Variants in LIPH observed in about 807,000 individuals in gnomAD.
The protein encoded by LIPH is lipase H.
A neutral mutation model predicts 47.6 loss-of-function variants in LIPH; 32 were observed. The observed-to-expected ratio is 0.67, with a 90% CI of 0.51 to 0.90. The LOEUF is 0.90. LIPH is among the 40% of genes least tolerant of loss of function. LIPH has a pLI of 0.00. For missense variants in LIPH, 497 were observed against 541.4 expected (o/e 0.92, Z 0.81); for synonymous variants, 190 against 195.6 (o/e 0.97, Z 0.24).
At chr3:185,522,015 A>G (rs1349951430) in intron 5 of LIPH, among the ~76,000 whole-genome samples, 1 of 152,176 alleles carries the variant, frequency 6.6e-6, no homozygotes, top group Non-Finnish European at 1.5e-5. Flanking sequence ...ATAACTGCTG[A>G]AATAGAACCA....
intron 1 of LIPH, among the ~76,000 whole-genome samples, chr3:185,549,388 C>G (rs1369818607): frequency 2.6e-5 from 4 of 152,194 alleles, no homozygotes; most frequent in Non-Finnish European, 5.9e-5. Context: ...TGAGTCACCA[C>G]ACAGGCACAG....
At chr3:185,511,838 T>TTC in intron 8 of LIPH, 141 bp from the exon 9 acceptor site, 5 of 655,612 alleles carry the variant, frequency 7.6e-6, no homozygotes, top group Non-Finnish European at 5.4e-6. Flanking sequence ...TTTTTTTTTT[T>TTC]CTGAGACAGG....
At chr3:185,529,554 A>G (rs1720244890) in intron 3 of LIPH, among the ~76,000 whole-genome samples, 1 of 150,964 alleles carries the variant, frequency 6.6e-6, no homozygotes, top group South Asian at 2.1e-4. Flanking sequence ...CCGGGATTAC[A>G]GGTGTGAGCC....
intron 3 of LIPH, among the ~76,000 whole-genome samples, chr3:185,529,092 G>A (rs552095814): frequency 5.8e-5 from 8 of 137,138 alleles, no homozygotes; most frequent in African/African-American, 2.1e-4. Flanking sequence ...CAGGAGAATT[G>A]TTTGAACTGG....
chr3:185,516,587 C>T (rs757633385), intron 7 of LIPH, among the ~76,000 whole-genome samples: 4 of 152,172 alleles, frequency 2.6e-5, no homozygotes, highest in Non-Finnish European at 5.9e-5. Flanking sequence ...ATCTGGAATA[C>T]TCAACCTCTC....
In LIPH at chr3:185,511,562, A is replaced by G. The variant is rs975801253; in HGVS notation, c.1230T>C (p.Ile410=). ...SLIGPRYKLR[I]LRMKLRSLAH... is the part of the protein sequence containing the mutation. ...CAAGGGACCTTAACTTCATTCGGAG[A>G]ATCCTGAGCTTGTACCTTGGGCCTA... is the stretch of plus-strand genomic sequence containing the variant. Residue 410 remains isoleucine, a synonymous_variant, in exon 9 of 10, where the codon ATT becomes ATC. Transcript: ENST00000296252. 1.2e-6 allele frequency: 2 copies of G among 1,614,152 alleles called. No individual in the cohort carries two copies. Among genetic ancestry groups the G allele is most frequent in the East Asian group, 2.2e-5 (1 of 44,878 alleles).
intron 1 of LIPH, chr3:185,546,877 C>T (rs1720888224): frequency 2.2e-6 from 1 of 447,096 alleles, no homozygotes; most frequent in Non-Finnish European, 4.5e-6. Flanking sequence ...CTTCTTCTAC[C>T]TCATTTTGGA....
chr3:185,535,689 G>A (rs148881210), intron 1 of LIPH, among the ~76,000 whole-genome samples: 3 of 152,042 alleles, frequency 2.0e-5, no homozygotes, highest in Admixed American at 6.6e-5. Flanking sequence ...TGCAACCTCC[G>A]CCTCCCGGGT....
chr3:185,551,131 G>A (rs1001753786), intron 1 of LIPH, among the ~76,000 whole-genome samples: 2 of 152,172 alleles, frequency 1.3e-5, no homozygotes, highest in South Asian at 2.1e-4. Context: ...CCGAGATCAC[G>A]CCACTGCACT....
At chr3:185,514,042 T>C (rs534780099) in intron 8 of LIPH, among the ~76,000 whole-genome samples, 1 of 152,310 alleles carries the variant, frequency 6.6e-6, no homozygotes, top group East Asian at 1.9e-4. Flanking sequence ...GCATATTCAT[T>C]TGTTGTTTAA....
intron 3 of LIPH, among the ~76,000 whole-genome samples, chr3:185,529,472 C>T (rs1160736212): frequency 6.8e-6 from 1 of 147,118 alleles, no homozygotes; most frequent in African/African-American, 2.5e-5. Context: ...TGTAGGGGCA[C>T]TTGCTATGTT....
chr3:185,522,657 A>AG (rs1401215133), intron 5 of LIPH, among the ~76,000 whole-genome samples: 5 of 22,064 alleles, frequency 2.3e-4, no homozygotes, highest in Non-Finnish European at 4.2e-4. Context: ...AGAAAAAGAA[A>AG]GAAAGAAAGA....
chr3:185,510,721 A>G (rs1719535968), intron 9 of LIPH, among the ~76,000 whole-genome samples: 1 of 152,134 alleles, frequency 6.6e-6, no homozygotes, highest in African/African-American at 2.4e-5. Flanking sequence ...ATACGAAAAT[A>G]TTTTTTTCTA....
intron 2 of LIPH, among the ~76,000 whole-genome samples, chr3:185,534,053 G>A (rs531819703): frequency 5.3e-5 from 8 of 152,082 alleles, no homozygotes; most frequent in South Asian, 2.1e-4. Flanking sequence ...GAGAAACCCC[G>A]TCTTTACTAA....
Position 185,508,760 on chromosome 3 carries a change from A to G in LIPH, c.*30T>C, listed in dbSNP as rs1050881777. ...AGCCTGTGGTTGTAGCTTTCTTTCTATTATTTATGGCCATGTGTCCTGGCA... is the reference window on the plus strand; with the variant it reads ...AGCCTGTGGTTGTAGCTTTCTTTCTGTTATTTATGGCCATGTGTCCTGGCA... On this transcript the variant is annotated 3_prime_UTR_variant, in exon 10 of 10. Transcript: ENST00000296252. The G allele has an allele frequency of 1.9e-5, 28 of 1,460,228 alleles. No individual in the cohort carries two copies. Among genetic ancestry groups the G allele is most frequent in the Non-Finnish European group, 2.7e-5 (28 of 1,039,800 alleles). The allele number at this position is 1,460,228 out of a possible 1,614,324, so 90.5% of individuals were successfully genotyped here.
intron 1 of LIPH, among the ~76,000 whole-genome samples, chr3:185,538,552 C>T (rs1720573005): frequency 6.7e-6 from 1 of 148,676 alleles, no homozygotes. Flanking sequence ...CATCAAAGTA[C>T]GATAATAATA....
intron 7 of LIPH, 140 bp from the exon 8 acceptor site, chr3:185,514,661 G>A (rs1359040299): frequency 1.5e-6 from 1 of 681,798 alleles, no homozygotes. Context: ...AAGATCCAGG[G>A]CAGAAGTTTC....
chr3:185,526,669 A>AAT (rs1720100398), intron 4 of LIPH, among the ~76,000 whole-genome samples: 1 of 99,382 alleles, frequency 1.0e-5, no homozygotes, highest in African/African-American at 3.4e-5. Flanking sequence ...AAAATAATAT[A>AAT]ATATAATATA....
chr3:185,529,667 A>C (rs1720248870), intron 3 of LIPH, among the ~76,000 whole-genome samples: 1 of 149,936 alleles, frequency 6.7e-6, no homozygotes, highest in Non-Finnish European at 1.5e-5. Flanking sequence ...GGGCGGGAGG[A>C]TTGCTTGAGA....
Sources: gnomAD v4.1 joint callset for allele counts (sites outside exome capture counted in the v4.1 genomes callset) on GRCh38, gnomAD v4.1.1 for gene constraint, MANE v1.5 for transcripts, NCBI Gene and HGNC (gene_info 2026-07-23, HGNC 2026-07-21) for gene names.